The following FHDC1 variants were observed in gnomAD, a reference collection of about 807,000 sequenced individuals.
FHDC1 encodes the protein FH2 domain-containing protein 1.
FHDC1 carries 25 observed loss-of-function variants against 52.6 expected under a neutral mutation model. The ratio of observed to expected loss-of-function variants is 0.48; its 90% CI spans 0.35 to 0.66. FHDC1 has a LOEUF of 0.66. FHDC1 is among the 30% of genes least tolerant of loss of function. The pLI is 0.01. For synonymous variants in FHDC1, 616 were observed against 581.5 expected, an observed-to-expected ratio of 1.06 and a Z score of -0.85; for missense variants, 1,459 against 1,452.8, an observed-to-expected ratio of 1.00 and a Z score of -0.07.
chr4:152,945,115 G>A (rs1739690598), intron 2 of FHDC1, among the ~76,000 whole-genome samples: 1 of 152,188 alleles, frequency 6.6e-6, no homozygotes, highest in Non-Finnish European at 1.5e-5. Context: ...GGCATCGTTT[G>A]TGAATTGGGA....
chr4:152,966,440 A>C (rs1740458416), intron 9 of FHDC1, among the ~76,000 whole-genome samples: 1 of 152,150 alleles, frequency 6.6e-6, no homozygotes, highest in Non-Finnish European at 1.5e-5. Flanking sequence ...TGGGTAACAA[A>C]ACCATCATTC....
rs761183994 is a variant in FHDC1, at chr4:152,975,680, G to C, written c.2389G>C (p.Asp797His). ...EGTDSRPRGG[D>H]PEEGGEGDGS... ...AACCGACTCCAGACCCAGAGGCGGG[G>C]ACCCGGAGGAAGGCGGGGAAGGGGA... Residue 797 changes from aspartate (D) to histidine (H), a missense_variant, in exon 12 of 12, where the codon GAC becomes CAC. Physicochemically the swap from Asp to His is moderately conservative, Grantham distance 81. Coordinates refer to ENST00000511601, the MANE Select transcript of FHDC1 (RefSeq NM_001371116.1). 1 of 1,612,420 alleles carries C rather than the reference G, an allele frequency of 6.2e-7. No individual in the cohort carries two copies. Among genetic ancestry groups the C allele is most frequent in the Non-Finnish European group, 8.5e-7 (1 of 1,179,218 alleles).
At chr4:152,961,444 T>G (rs1422355803) in intron 6 of FHDC1, among the ~76,000 whole-genome samples, 1 of 152,222 alleles carries the variant, frequency 6.6e-6, no homozygotes, top group Non-Finnish European at 1.5e-5. Context: ...CTCTTTAAAT[T>G]CTTGCCTGCC....
chr4:152,936,866 G>C (rs1014953770), intron 1 of FHDC1, among the ~76,000 whole-genome samples: 4 of 152,270 alleles, frequency 2.6e-5, no homozygotes, highest in Admixed American at 6.5e-5. Context: ...GCGGCGCCGC[G>C]CTCGGTTCCC....
rs1166068671 is a variant in FHDC1, at chr4:152,979,333, A to G, written c.*2610A>G. ...GCCCTGGGTCAGCTCCTCAGAACCAACCCCCAGCATCTCTAAAGCAAAAGC... is the reference window on the plus strand; with the variant it reads ...GCCCTGGGTCAGCTCCTCAGAACCAGCCCCCAGCATCTCTAAAGCAAAAGC... On this transcript the variant is annotated 3_prime_UTR_variant, in exon 12 of 12. Transcript: ENST00000511601. 1 of 152,194 alleles carries G rather than the reference A, an allele frequency of 6.6e-6. No homozygotes were observed. Among genetic ancestry groups the G allele is most frequent in the African/African-American group, 2.4e-5 (1 of 41,412 alleles). The allele number at this position is 152,194 out of a possible 1,614,324, so 9.4% of individuals were successfully genotyped here. A position where few individuals can be genotyped will look rare whatever the true frequency, so the allele number is the denominator to read the frequency against.
chr4:152,976,193 C>G lies in FHDC1; in HGVS notation c.2902C>G (p.Arg968Gly). 2 of 1,612,574 alleles carry G rather than the reference C, an allele frequency of 1.2e-6. No individual in the cohort carries two copies. Among genetic ancestry groups the G allele is most frequent in the African/African-American group, 1.3e-5 (1 of 75,020 alleles). Residue 968 changes from arginine (R) to glycine (G), a missense_variant, in exon 12 of 12, where the codon CGT becomes GGT. By Grantham distance (125) the Arg-to-Gly change is moderately radical. This residue lies in a region of FHDC1 where 939 missense variants were observed against 854.5 expected (regional missense o/e 1.10). Coordinates refer to ENST00000511601, the MANE Select transcript of FHDC1 (RefSeq NM_001371116.1). ...PRGSSGSSST[R>G]PGRDVPLQPR... The stretch of plus-strand genomic sequence containing the variant: ...GGGGAGCAGCGGCTCCAGCAGCACC[C>G]GTCCGGGGAGGGACGTTCCCCTGCA...
At chr4:152,929,304 G>A in the FHDC1 span, among the ~76,000 whole-genome samples, 2 of 152,138 alleles carry the variant, frequency 1.3e-5, no homozygotes, top group Non-Finnish European at 2.9e-5. This position sits in a 1 kb window ranked among gnomAD's most constrained non-coding sequence, Gnocchi z 4.1. Flanking sequence ...TTATACCTTG[G>A]TCTGGCTTAG....
In FHDC1 at chr4:152,976,439, G is replaced by A. The variant is rs1249905012; in HGVS notation, c.3148G>A (p.Asp1050Asn). 1.2e-6 allele frequency: 2 copies of A among 1,613,750 alleles called. No individual in the cohort carries two copies. The highest frequency in any genetic ancestry group is 2.2e-5 in the South Asian group (2 of 91,088). The stretch of plus-strand genomic sequence containing the variant: ...CTCCTCCTCTCGAAGCATGAGAACA[G>A]ATCTTCCTCCCGTGGCCAAAGCCCC... Reference protein sequence around the residue: ...VASSSRSMRTDLPPVAKAPGI... With the variant: ...VASSSRSMRTNLPPVAKAPGI... Residue 1050 changes from aspartate (D) to asparagine (N), a missense_variant, in exon 12 of 12, where the codon GAT becomes AAT. Asp to Asn is a conservative substitution (Grantham distance 23). Coordinates refer to ENST00000511601, the MANE Select transcript of FHDC1 (RefSeq NM_001371116.1).
intron 6 of FHDC1, 118 bp from the exon 7 acceptor site, chr4:152,962,696 A>T (rs1740314669): frequency 1.3e-6 from 1 of 743,786 alleles, no homozygotes. Flanking sequence ...TCCGTTTTAT[A>T]TACAGTTTAA....
At position 152,962,946 on chromosome 4, in the gene FHDC1, TGTGTGTGTG is replaced by T. The variant is rs1561210710; in HGVS notation, c.921+63_922-68del. Reference sequence around the variant, plus strand: ...TCAACCTTGTCTATCTAAAGGTGTGTGTGTGTGTGTGTGTGTGTGTGTGTGTGTGTGTGT... The same window carrying T: ...TCAACCTTGTCTATCTAAAGGTGTGTTGTGTGTGTGTGTGTGTGTGTGTGT... On this transcript the variant is annotated intron_variant, in intron 7 of 11. Transcript: ENST00000511601. 2,936 of 1,231,518 alleles carry T rather than the reference TGTGTGTGTG, an allele frequency of 2.4e-3. 13 individuals carry two copies. The highest frequency in any genetic ancestry group is 3.0e-3 in the Non-Finnish European group (2,589 of 854,130). The allele number at this position is 1,231,518 out of a possible 1,614,324, so 76.3% of individuals were successfully genotyped here.
chr4:152,914,836 C>T, the FHDC1 span, among the ~76,000 whole-genome samples: 1 of 151,966 alleles, frequency 6.6e-6, no homozygotes. Flanking sequence ...ATACCTCTCA[C>T]TACATCTTGA....
intron 6 of FHDC1, among the ~76,000 whole-genome samples, chr4:152,961,461 G>T (rs891723464): frequency 6.6e-5 from 10 of 152,184 alleles, no homozygotes; most frequent in African/African-American, 2.4e-4. Flanking sequence ...TGCCCAGCTT[G>T]GATAGCCTCT....
Position 152,976,379 on chromosome 4 carries a change from C to G in FHDC1, c.3088C>G (p.Pro1030Ala). 6.2e-7 allele frequency: 1 copy of G among 1,613,824 alleles called. No homozygotes were observed. Among genetic ancestry groups the G allele is most frequent in the Non-Finnish European group, 8.5e-7 (1 of 1,180,038 alleles). Reference sequence around the variant, plus strand: ...AGTGCCCAGCGTCCCCCACGAACTACCCCGTGTCCCGAGCTTTGCCCGGAA... The same window carrying G: ...AGTGCCCAGCGTCCCCCACGAACTAGCCCGTGTCCCGAGCTTTGCCCGGAA... ...PSVPSVPHEL[P>A]RVPSFARNTV... is the part of the protein sequence containing the mutation. The change falls in exon 12 of 12, where the codon CCC becomes GCC. Residue 1030 changes from proline (P) to alanine (A), a missense_variant. By Grantham distance (27) the Pro-to-Ala change is conservative (BLOSUM62 -1). This residue lies in a region of FHDC1 where 939 missense variants were observed against 854.5 expected (regional missense o/e 1.10). Coordinates refer to ENST00000511601, the MANE Select transcript of FHDC1 (RefSeq NM_001371116.1).
chr4:152,965,850 A>G (rs1740441049), intron 9 of FHDC1, among the ~76,000 whole-genome samples: 1 of 152,238 alleles, frequency 6.6e-6, no homozygotes, highest in African/African-American at 2.4e-5. Context: ...GTATCCAACT[A>G]TGACATCTGT....
chr4:152,969,945 G>A (rs1579102638), intron 10 of FHDC1, among the ~76,000 whole-genome samples: 1 of 152,212 alleles, frequency 6.6e-6, no homozygotes, highest in Non-Finnish European at 1.5e-5. Flanking sequence ...TTGTAGGCAT[G>A]AGCCACTGCG....
At chr4:152,925,245 C>T in the FHDC1 span, among the ~76,000 whole-genome samples, 1 of 151,826 alleles carries the variant, frequency 6.6e-6, no homozygotes, top group Non-Finnish European at 1.5e-5. Flanking sequence ...TTAATTAGAC[C>T]TCTTTTATAT....
chr4:152,975,100 G>A lies in FHDC1; in HGVS notation c.1809G>A (p.Gln603=), dbSNP rs1383637654. ...ACTCCAGCTTTGCACACAAACCTCA[G>A]GCCTCGGGGGGCCAGGAGGAGGCCC... ...HQDSSFAHKP[Q]ASGGQEEAPN... Residue 603 remains glutamine (Q), a synonymous_variant, in exon 12 of 12, where the codon CAG becomes CAA. Transcript: ENST00000511601. 1 of 1,612,652 alleles carries A rather than the reference G, an allele frequency of 6.2e-7. No individual in the cohort carries two copies. The highest frequency in any genetic ancestry group is 1.7e-5 in the Admixed American group (1 of 60,028).
intron 4 of FHDC1, among the ~76,000 whole-genome samples, chr4:152,957,122 A>C (rs1365951324): frequency 1.3e-5 from 2 of 152,174 alleles, no homozygotes; most frequent in Non-Finnish European, 2.9e-5. Context: ...GCCAAATAAG[A>C]GAGGTTTAGG....
chr4:152,945,864 G>A (rs1467651626), intron 2 of FHDC1, among the ~76,000 whole-genome samples: 3 of 152,066 alleles, frequency 2.0e-5, no homozygotes, highest in Non-Finnish European at 4.4e-5. Flanking sequence ...CTGAAACTCT[G>A]TACCTGTTAA....
Sources: gnomAD v4.1 joint callset for allele counts (sites outside exome capture counted in the v4.1 genomes callset) on GRCh38, gnomAD v4.1.1 for gene constraint, gnomAD v4.1.1 regional missense constraint, Gnocchi (gnomAD v3.1) non-coding constraint, MANE v1.5 for transcripts, NCBI Gene and HGNC (gene_info 2026-07-23, HGNC 2026-07-21) for gene names.